The following VAT1L variants were observed in gnomAD, a reference collection of about 807,000 sequenced individuals.
VAT1L encodes the protein vesicle amine transport 1 like.
In VAT1L, 34 loss-of-function variants were observed where a neutral mutation model predicts 44.1. The ratio of observed to expected loss-of-function variants is 0.77; its 90% confidence interval spans 0.59 to 1.03. The LOEUF is 1.03. VAT1L is among the 50% of genes least tolerant of loss of function. The probability of loss-of-function intolerance (pLI) is 0.00; values close to 1 mark genes in which losing one functional copy is unlikely to be tolerated. For missense variants in VAT1L, 615 were observed against 538.8 expected (o/e 1.14, Z -1.40); for synonymous variants, 253 against 202.2 (o/e 1.25, Z -2.13).
At chr16:77,797,255 GC>G (rs1247097252) in intron 1 of VAT1L, among the ~76,000 whole-genome samples, 1 of 151,952 alleles carries the variant, frequency 6.6e-6, no homozygotes, top group Non-Finnish European at 1.5e-5. Context: ...GGGATTACAG[GC>G]ATGCACCACC....
intron 3 of VAT1L, among the ~76,000 whole-genome samples, chr16:77,827,712 T>C (rs938751748): frequency 3.3e-5 from 5 of 152,212 alleles, no homozygotes; most frequent in African/African-American, 1.2e-4. Context: ...GTTCATTTGA[T>C]TGAAATAAAA....
At chr16:77,881,290 T>A (rs1016879394) in intron 6 of VAT1L, among the ~76,000 whole-genome samples, 1 of 152,212 alleles carries the variant, frequency 6.6e-6, no homozygotes, top group Non-Finnish European at 1.5e-5. Flanking sequence ...ACCTGCTGTT[T>A]GTGGTATTGT....
intron 1 of VAT1L, among the ~76,000 whole-genome samples, chr16:77,809,281 G>A (rs924401697): frequency 6.6e-6 from 1 of 152,140 alleles, no homozygotes; most frequent in Non-Finnish European, 1.5e-5. Flanking sequence ...TACATAGAAA[G>A]CGCCCCATAA....
intron 1 of VAT1L, among the ~76,000 whole-genome samples, chr16:77,795,955 A>G (rs1447692679): frequency 1.3e-5 from 2 of 150,704 alleles, no homozygotes; most frequent in Admixed American, 6.6e-5. Flanking sequence ...CCTCCCAAGT[A>G]GCTGGGATTA....
intron 7 of VAT1L, among the ~76,000 whole-genome samples, chr16:77,956,016 C>A (rs1046604928): frequency 4.6e-5 from 7 of 152,122 alleles, no homozygotes. Flanking sequence ...TTTGATAGCA[C>A]AGTGGGGTGA....
chr16:77,838,389 AC>A (rs1270646660), intron 3 of VAT1L, among the ~76,000 whole-genome samples: 1 of 152,206 alleles, frequency 6.6e-6, no homozygotes, highest in African/African-American at 2.4e-5. Context: ...ACTGACACCC[AC>A]CAGGATGTTG....
At chr16:77,863,367 A>T (rs1193797630) in intron 4 of VAT1L, among the ~76,000 whole-genome samples, 2 of 152,218 alleles carry the variant, frequency 1.3e-5, no homozygotes, top group Non-Finnish European at 2.9e-5. Context: ...TCCCAGAAAG[A>T]ACACACACCC....
chr16:77,972,039 G>T, intron 8 of VAT1L, 106 bp downstream of exon 8: 1 of 1,027,926 alleles, frequency 9.7e-7, no homozygotes. Flanking sequence ...TAGCCTGTGG[G>T]CTAGTGGAGG....
intron 4 of VAT1L, among the ~76,000 whole-genome samples, chr16:77,873,869 T>C (rs2017059460): frequency 6.6e-6 from 1 of 152,022 alleles, no homozygotes; most frequent in Non-Finnish European, 1.5e-5. Context: ...GTCAGAAAGT[T>C]CTAGGGACAA....
chr16:77,936,871 C>CTTTGT (rs1555520811), intron 7 of VAT1L, among the ~76,000 whole-genome samples: 6 of 150,622 alleles, frequency 4.0e-5, no homozygotes, highest in Admixed American at 2.0e-4. Context: ...TGTTTGGTTT[C>CTTTGT]TTGTTTGTTT....
At chr16:77,966,940 A>T (rs1331941121) in intron 7 of VAT1L, among the ~76,000 whole-genome samples, 2 of 67,548 alleles carry the variant, frequency 3.0e-5, no homozygotes, top group Non-Finnish European at 7.2e-5. Context: ...TTTAAAAAAA[A>T]AAAAAAAAAA....
At chr16:77,848,678 G>T (rs576670073) in intron 3 of VAT1L, among the ~76,000 whole-genome samples, 1 of 152,070 alleles carries the variant, frequency 6.6e-6, no homozygotes, top group Non-Finnish European at 1.5e-5. Flanking sequence ...TCCAGTAAAC[G>T]TGATCAGGGG....
rs2017129176 is a variant in VAT1L at position 77,879,673 on chromosome 16, T to C, written c.882+449T>C. On this transcript the variant is annotated intron_variant, in intron 6 of 8. Transcript: ENST00000302536. This position sits in a 1 kb window ranked among gnomAD's most constrained non-coding sequence, Gnocchi z 4.1. ...CATAAAACCTGCACTCCTGCCCTAT[T>C]CCCTGCAAATGGTCAGGACCAGAAT... is the stretch of plus-strand genomic sequence containing the variant. 6.6e-6 allele frequency among the ~76,000 whole-genome samples: 1 copy of C among 152,200 alleles called. No individual in the cohort carries two copies. The highest frequency in any genetic ancestry group is 1.5e-5 in the Non-Finnish European group (1 of 68,040).
rs139778664 is a variant in VAT1L at position 77,899,714 on chromosome 16, A to G, written c.1077+14912A>G. Among the ~76,000 whole-genome samples the G allele has an allele frequency of 2.8e-3, 423 of 152,344 alleles. 4 individuals are homozygous for G. Among genetic ancestry groups the G allele is most frequent in the African/African-American group, 9.4e-3 (392 of 41,578 alleles). On this transcript the variant is annotated intron_variant, in intron 7 of 8. Coordinates refer to ENST00000302536, the MANE Select transcript of VAT1L (RefSeq NM_020927.3). ...GATGTGGTGATTGAGCTCTGTTCCC[A>G]TGACCAGGAGCTGAAAACCACGTGA...
intron 7 of VAT1L, among the ~76,000 whole-genome samples, chr16:77,947,666 C>A (rs1169211386): frequency 2.6e-5 from 4 of 152,224 alleles, no homozygotes; most frequent in Admixed American, 1.3e-4. Flanking sequence ...GTCACTCACG[C>A]CCAGTCCCCT....
At chr16:77,939,896 T>C (rs1298026899) in intron 7 of VAT1L, among the ~76,000 whole-genome samples, 1 of 152,206 alleles carries the variant, frequency 6.6e-6, no homozygotes, top group Non-Finnish European at 1.5e-5. Context: ...AAAGGCTTGT[T>C]AGTCTGCTTT....
At chr16:77,841,397 T>TA (rs1390283224) in intron 3 of VAT1L, among the ~76,000 whole-genome samples, 7 of 152,220 alleles carry the variant, frequency 4.6e-5, no homozygotes, top group Non-Finnish European at 8.8e-5. Flanking sequence ...ACACATTTTT[T>TA]ATGAGCATTG....
intron 3 of VAT1L, among the ~76,000 whole-genome samples, chr16:77,844,601 GT>G (rs1397444186): frequency 2.0e-5 from 3 of 151,914 alleles, no homozygotes; most frequent in Non-Finnish European, 4.4e-5. Flanking sequence ...TAGAAACGAG[GT>G]TTCCCCATGT....
chr16:77,837,964 T>C (rs1045449751), intron 3 of VAT1L, among the ~76,000 whole-genome samples: 2 of 152,136 alleles, frequency 1.3e-5, no homozygotes, highest in Non-Finnish European at 1.5e-5. Flanking sequence ...ACAGGTTAGG[T>C]TGACGGTTGA....
Sources: allele counts gnomAD v4.1 joint callset (sites outside exome capture counted in the v4.1 genomes callset), GRCh38; gene constraint gnomAD v4.1.1; non-coding constraint Gnocchi (gnomAD v3.1); transcripts MANE v1.5; gene names NCBI Gene and HGNC (gene_info 2026-07-23, HGNC 2026-07-21).